SGIP1: variants seen among roughly 807,000 people sequenced by gnomAD.
SGIP1 encodes the protein SH3-containing GRB2-like protein 3-interacting protein 1.
SGIP1 carries 38 observed loss-of-function variants against 107.5 expected under a neutral mutation model. The ratio of observed to expected loss-of-function variants is 0.35; its 90% CI spans 0.27 to 0.46. SGIP1 has a LOEUF of 0.46. Among genes scored for constraint, SGIP1 ranks in the 20% least tolerant of loss-of-function variants. The pLI, the probability that SGIP1 is intolerant of heterozygous loss-of-function variation, is 1.00. For missense variants in SGIP1, 929 were observed against 1,019.5 expected (o/e 0.91, Z 1.21); for synonymous variants, 365 against 366.1 (o/e 1.00, Z 0.03).
intron 3 of SGIP1, chr1:66,634,230 C>A: frequency 7.9e-7 from 1 of 1,270,268 alleles, no homozygotes; most frequent in Non-Finnish European, 1.1e-6. Flanking sequence ...CTCTGGTCCC[C>A]TCTGACCTTT....
chr1:66,717,936 C>T (rs1166693261), intron 18 of SGIP1, among the ~76,000 whole-genome samples: 3 of 152,208 alleles, frequency 2.0e-5, no homozygotes, highest in East Asian at 3.9e-4. Context: ...TTGAGGACAA[C>T]GACCATGTGT....
chr1:66,729,562 C>A (rs1158879877), intron 20 of SGIP1, 143 bp downstream of exon 20: 2 of 1,109,882 alleles, frequency 1.8e-6, no homozygotes, highest in African/African-American at 1.6e-5. Flanking sequence ...AAGCACAGAA[C>A]TTTTACCAGC....
chr1:66,687,913 T>A (rs1311798077), intron 15 of SGIP1, among the ~76,000 whole-genome samples: 1 of 152,260 alleles, frequency 6.6e-6, no homozygotes, highest in South Asian at 2.1e-4. Flanking sequence ...CACTCAGGAT[T>A]TCAGATTATT....
At chr1:66,616,936 C>T (rs1242172314) in intron 1 of SGIP1, among the ~76,000 whole-genome samples, 1 of 152,128 alleles carries the variant, frequency 6.6e-6, no homozygotes, top group Non-Finnish European at 1.5e-5. Context: ...ATATCAGACC[C>T]TTTTGCAATC....
At position 66,691,068 on chromosome 1, in the gene SGIP1, C is replaced by T. The variant is rs569263274; in HGVS notation, c.1570+752C>T. Among the ~76,000 whole-genome samples the T allele has an allele frequency of 1.6e-4, 25 of 152,174 alleles. No homozygotes were observed. The East Asian group carries it at 2.9e-3, about 18-fold the overall frequency. ...CCAGCAGGAGACAGGTTCCTATTGC[C>T]TCTCTCATTTTTGCATGGTGTCTCC... On this transcript the variant is annotated intron_variant, in intron 17 of 24. Transcript: ENST00000371037.
chr1:66,684,346 C>T (rs1041922680), intron 15 of SGIP1, among the ~76,000 whole-genome samples: 1 of 152,198 alleles, frequency 6.6e-6, no homozygotes, highest in African/African-American at 2.4e-5. Context: ...TCAAAATGTA[C>T]TCGTCTGTGC....
chr1:66,663,016 T>A (rs556847404), intron 8 of SGIP1, among the ~76,000 whole-genome samples: 6 of 152,276 alleles, frequency 3.9e-5, no homozygotes, highest in Non-Finnish European at 8.8e-5. Context: ...TTTGTTTGGT[T>A]GTGCAGTTAA....
At chr1:66,695,067 T>C (rs555271064) in intron 17 of SGIP1, 1 of 387,328 alleles carries the variant, frequency 2.6e-6, no homozygotes, top group Non-Finnish European at 4.5e-6. Context: ...ACATTGAAGA[T>C]GAAATGGATA....
At chr1:66,707,926 T>C (rs1214100881) in intron 18 of SGIP1, among the ~76,000 whole-genome samples, 1 of 152,184 alleles carries the variant, frequency 6.6e-6, no homozygotes, top group South Asian at 2.1e-4. Flanking sequence ...TGTATATTTG[T>C]GTGCTTTATA....
At chr1:66,605,778 G>C (rs564199616) in intron 1 of SGIP1, among the ~76,000 whole-genome samples, 1 of 152,106 alleles carries the variant, frequency 6.6e-6, no homozygotes, top group Non-Finnish European at 1.5e-5. Flanking sequence ...AGGATACAAC[G>C]TTTTAGCATT....
At chr1:66,668,157 T>G (rs1466234967) in intron 9 of SGIP1, among the ~76,000 whole-genome samples, 1 of 152,192 alleles carries the variant, frequency 6.6e-6, no homozygotes, top group African/African-American at 2.4e-5. Context: ...TTGTTCAAAG[T>G]GAAAACTGTC....
Position 66,741,325 on chromosome 1 carries a change from T to C in SGIP1, c.2353T>C (p.Ser785Pro), listed in dbSNP as rs2094440811. The change falls in exon 24 of 25, where the codon TCT becomes CCT. Residue 785 changes from serine to proline, a missense_variant. Coordinates refer to ENST00000371037, the MANE Select transcript of SGIP1 (RefSeq NM_032291.4). Reference protein sequence around the residue: ...FQLSEGPSKPSPLVVQFTSEG... With the variant: ...FQLSEGPSKPPPLVVQFTSEG... ...GTTATCTGAAGGCCCAAGCAAACCT[T>C]CTCCATTGGTTGTGCAGTTCACAAG... 3.7e-6 allele frequency: 6 copies of C among 1,607,398 alleles called. No homozygotes were observed. The highest frequency in any genetic ancestry group is 5.1e-6 in the Non-Finnish European group (6 of 1,176,984).
At chr1:66,694,139 G>C (rs1025472637) in intron 17 of SGIP1, among the ~76,000 whole-genome samples, 1 of 151,660 alleles carries the variant, frequency 6.6e-6, no homozygotes, top group Non-Finnish European at 1.5e-5. Context: ...AGTTCCTTTA[G>C]CAACTCCCAG....
chr1:66,742,045 C>T (rs893381205), intron 24 of SGIP1, among the ~76,000 whole-genome samples: 5 of 152,138 alleles, frequency 3.3e-5, no homozygotes, highest in Non-Finnish European at 7.4e-5. Flanking sequence ...AGATTATAGG[C>T]GGTGAGCCAC....
intron 18 of SGIP1, among the ~76,000 whole-genome samples, chr1:66,709,891 G>A (rs76074683): frequency 0.015 from 2,334 of 152,050 alleles, 37 homozygotes; most frequent in Non-Finnish European, 0.025. Context: ...ATTAGATTAG[G>A]TGATAGTATA....
At chr1:66,593,201 G>A (rs2063984467) in intron 1 of SGIP1, among the ~76,000 whole-genome samples, 1 of 151,988 alleles carries the variant, frequency 6.6e-6, no homozygotes, top group Non-Finnish European at 1.5e-5. Flanking sequence ...CCTACTGAAG[G>A]ACATCATGGT....
At chr1:66,589,001 T>C (rs1195096823) in intron 1 of SGIP1, among the ~76,000 whole-genome samples, 1 of 100,596 alleles carries the variant, frequency 9.9e-6, no homozygotes, top group Non-Finnish European at 2.0e-5. Flanking sequence ...AAAACAGAAC[T>C]CTTATTCTTT....
intron 1 of SGIP1, among the ~76,000 whole-genome samples, chr1:66,557,133 G>A (rs931921110): frequency 6.6e-6 from 1 of 152,138 alleles, no homozygotes; most frequent in Non-Finnish European, 1.5e-5. Context: ...ACCTAGCTCA[G>A]TGCCCAGCAT....
intron 15 of SGIP1, among the ~76,000 whole-genome samples, chr1:66,686,107 G>A (rs570260927): frequency 6.6e-6 from 1 of 152,358 alleles, no homozygotes; most frequent in South Asian, 2.1e-4. Flanking sequence ...TTAGGAAACT[G>A]TAGTTTAAAA....
Sources: gnomAD v4.1 joint callset for allele counts (sites outside exome capture counted in the v4.1 genomes callset) on GRCh38, gnomAD v4.1.1 for gene constraint, MANE v1.5 for transcripts, NCBI Gene and HGNC (gene_info 2026-07-23, HGNC 2026-07-21) for gene names.